The following GPD2 variants were observed in gnomAD, a reference collection of about 807,000 sequenced individuals.
GPD2 encodes the protein glycerol-3-phosphate dehydrogenase, mitochondrial.
In GPD2, 54 loss-of-function variants were observed where a neutral mutation model predicts 82.4. The ratio of observed to expected loss-of-function variants is 0.66; its 90% CI spans 0.53 to 0.82. GPD2 has a LOEUF of 0.82. Ranked by LOEUF, GPD2 falls within the 40% of genes least tolerant of loss-of-function variation. The pLI is 0.00. For synonymous variants in GPD2, 288 were observed against 306.1 expected (o/e 0.94, Z 0.62); for missense variants, 748 against 896.2 (o/e 0.83, Z 2.11).
At chr2:156,480,062 TAC>T (rs1320967932) in intron 2 of GPD2, among the ~76,000 whole-genome samples, 1 of 152,228 alleles carries the variant, frequency 6.6e-6, no homozygotes, top group Admixed American at 6.5e-5. Context: ...GGTTTAATAA[TAC>T]ACTTTTAATT....
intron 13 of GPD2, among the ~76,000 whole-genome samples, chr2:156,576,654 C>G (rs1007076256): frequency 6.6e-6 from 1 of 152,134 alleles, no homozygotes; most frequent in African/African-American, 2.4e-5. Context: ...CTTTGTTCTT[C>G]CATTTTTGGA....
chr2:156,552,200 A>G (rs1686785222), intron 8 of GPD2, among the ~76,000 whole-genome samples: 1 of 152,250 alleles, frequency 6.6e-6, no homozygotes, highest in Admixed American at 6.5e-5. Flanking sequence ...ATGTGAGAGA[A>G]ATAATAGTCT....
intron 9 of GPD2, 121 bp from the exon 10 acceptor site, chr2:156,568,704 C>T: frequency 1.2e-6 from 1 of 814,174 alleles, no homozygotes; most frequent in Admixed American, 2.0e-5. Context: ...TAGGCTTTCT[C>T]TCCTTTTTAA....
At chr2:156,499,739 T>C (rs572858624) in intron 3 of GPD2, among the ~76,000 whole-genome samples, 1 of 152,066 alleles carries the variant, frequency 6.6e-6, no homozygotes, top group African/African-American at 2.4e-5. Flanking sequence ...TTTATTTTCA[T>C]TTAATAACTT....
chr2:156,425,095 T>TTTTTTTG, the GPD2 span, among the ~76,000 whole-genome samples: 1 of 151,540 alleles, frequency 6.6e-6, no homozygotes, highest in Non-Finnish European at 1.5e-5. Context: ...TTTTATTTTT[T>TTTTTTTG]TTTTTGTTTT....
intron 6 of GPD2, among the ~76,000 whole-genome samples, chr2:156,535,343 G>A (rs1686028541): frequency 7.9e-6 from 1 of 127,158 alleles, no homozygotes; most frequent in African/African-American, 2.9e-5. Context: ...AGAGAGAAGA[G>A]AGAGAAAGAA....
chr2:156,491,642 G>C (rs1418256636), intron 2 of GPD2, among the ~76,000 whole-genome samples: 2 of 152,060 alleles, frequency 1.3e-5, no homozygotes, highest in African/African-American at 4.8e-5. Context: ...TTGCCTACAG[G>C]CTTCTGTATG....
the GPD2 span, among the ~76,000 whole-genome samples, chr2:156,422,214 G>T: frequency 6.6e-6 from 1 of 152,146 alleles, no homozygotes; most frequent in Non-Finnish European, 1.5e-5. Context: ...TAGTTCATAA[G>T]TGTGATGATT....
the GPD2 span, among the ~76,000 whole-genome samples, chr2:156,417,487 T>G: frequency 6.6e-6 from 1 of 152,200 alleles, no homozygotes; most frequent in Non-Finnish European, 1.5e-5. Flanking sequence ...AACAAGCTAC[T>G]AAAAATAAGT....
the GPD2 span, among the ~76,000 whole-genome samples, chr2:156,421,849 G>C: frequency 4.6e-5 from 7 of 152,162 alleles, no homozygotes; most frequent in Admixed American, 4.6e-4. Flanking sequence ...ATTTAAGTCA[G>C]GTGCAGGGGC....
intron 13 of GPD2, among the ~76,000 whole-genome samples, chr2:156,575,203 T>C (rs1372470993): frequency 6.6e-6 from 1 of 152,040 alleles, no homozygotes; most frequent in Non-Finnish European, 1.5e-5. Flanking sequence ...ATACCAAATT[T>C]CAAAAACGAG....
At chr2:156,414,388 A>T in the GPD2 span, among the ~76,000 whole-genome samples, 1 of 152,210 alleles carries the variant, frequency 6.6e-6, no homozygotes. Context: ...GTGATAATTG[A>T]TGTGAAGCGT....
intron 8 of GPD2, 42 bp downstream of exon 8, chr2:156,550,788 G>A (rs1278848291): frequency 1.9e-6 from 3 of 1,538,706 alleles, no homozygotes; most frequent in Non-Finnish European, 2.7e-6. Flanking sequence ...CAAAAAAGAG[G>A]GTCAGCAGAG....
At chr2:156,580,015 T>C (rs2105379935) in intron 16 of GPD2, among the ~76,000 whole-genome samples, 1 of 152,338 alleles carries the variant, frequency 6.6e-6, no homozygotes, top group South Asian at 2.1e-4. Context: ...TTCCATTATG[T>C]TGGGCAATTT....
chr2:156,457,741 C>T (rs1682835610), intron 1 of GPD2, among the ~76,000 whole-genome samples: 1 of 152,172 alleles, frequency 6.6e-6, no homozygotes, highest in South Asian at 2.1e-4. Flanking sequence ...TTTGCTCTCT[C>T]GTAACAATAG....
intron 1 of GPD2, among the ~76,000 whole-genome samples, chr2:156,448,464 C>G (rs1328473614): frequency 6.6e-6 from 1 of 152,134 alleles, no homozygotes; most frequent in East Asian, 1.9e-4. Flanking sequence ...AAAACAAACA[C>G]AGTTTCTGTT....
chr2:156,422,953 G>A, the GPD2 span, among the ~76,000 whole-genome samples: 1 of 152,144 alleles, frequency 6.6e-6, no homozygotes, highest in Non-Finnish European at 1.5e-5. Flanking sequence ...ATAAATATTT[G>A]TTAGGTGAAT....
At chr2:156,452,564 G>C (rs569544902) in intron 1 of GPD2, among the ~76,000 whole-genome samples, 4 of 152,254 alleles carry the variant, frequency 2.6e-5, no homozygotes, top group African/African-American at 7.2e-5. Context: ...CGTGGGGAGA[G>C]GGGAGAGGGG....
intron 1 of GPD2, among the ~76,000 whole-genome samples, chr2:156,470,776 A>G (rs1683301724): frequency 6.6e-6 from 1 of 152,212 alleles, no homozygotes; most frequent in African/African-American, 2.4e-5. Flanking sequence ...GGAGCCCTAC[A>G]AGGACATCTA....
Sources: gnomAD v4.1 joint callset for allele counts (sites outside exome capture counted in the v4.1 genomes callset) on GRCh38, gnomAD v4.1.1 for gene constraint, MANE v1.5 for transcripts, NCBI Gene and HGNC (gene_info 2026-07-23, HGNC 2026-07-21) for gene names.